The following ZFP64 variants were observed in gnomAD, a reference collection of about 807,000 sequenced individuals.
ZFP64 encodes zinc finger protein 64.
A neutral mutation model predicts 51.6 loss-of-function variants in ZFP64; 14 were observed. The observed-to-expected ratio is 0.27, with a 90% confidence interval of 0.18 to 0.42. ZFP64 has a LOEUF of 0.42. Among genes scored for constraint, ZFP64 ranks in the 10% least tolerant of loss-of-function variants. The pLI is 1.00. For synonymous variants in ZFP64, 375 were observed against 361.4 expected, an observed-to-expected ratio of 1.04 and a Z score of -0.43; for missense variants, 754 against 906.8, an observed-to-expected ratio of 0.83 and a Z score of 2.16.
intron 3 of ZFP64, 172 bp downstream of exon 3, chr20:52,165,692 A>G (rs779234577): frequency 4.1e-5 from 35 of 861,288 alleles, no homozygotes; most frequent in African/African-American, 6.8e-5. Flanking sequence ...ATGACCACAG[A>G]CAGTGGGAGA....
At chr20:52,132,288 A>G (rs1244197989) in intron 5 of ZFP64, among the ~76,000 whole-genome samples, 1 of 152,176 alleles carries the variant, frequency 6.6e-6, no homozygotes, top group Non-Finnish European at 1.5e-5. Context: ...CAAATAAACA[A>G]TCTAATGATG....
intron 5 of ZFP64, among the ~76,000 whole-genome samples, chr20:52,113,592 C>CTTTTTTTTTT (rs61331317): frequency 7.9e-6 from 1 of 126,950 alleles, no homozygotes; most frequent in Non-Finnish European, 1.6e-5. Context: ...CCATACCTGG[C>CTTTTTTTTTT]TTTTTTTTTT....
rs747180859 is a variant in ZFP64, at chr20:52,140,905, T to C, written c.763+19218A>G. ...CTGACTTTCTTGTTAGGGGCTAATG[T>C]AGCTGGTAACTTGAAGTTGAAGCCA... On this transcript the variant is annotated intron_variant, in intron 5 of 8. Coordinates refer to the ZFP64 transcript ENST00000361387. 4.6e-5 allele frequency among the ~76,000 whole-genome samples: 7 copies of C among 152,214 alleles called. No individual in the cohort carries two copies. In the South Asian group the frequency reaches 6.2e-4, roughly 14 times the overall value.
rs142925058 is a variant in ZFP64, at chr20:52,108,359, G to A, written c.764-9772C>T. On this transcript the variant is annotated intron_variant, in intron 5 of 8. Transcript: ENST00000361387. The stretch of plus-strand genomic sequence containing the variant: ...GTCTTTTCTTGCATTTTCCATGTAG[G>A]TATAATAGTAGCCAAAAACAAAGTG... Among the ~76,000 whole-genome samples the A allele has an allele frequency of 4.2e-3, 633 of 152,106 alleles. 5 individuals carry two copies. The highest frequency in any genetic ancestry group is 0.015 in the African/African-American group (608 of 41,490).
rs11469696 is a variant in ZFP64, at chr20:52,161,450, C to CTTTTTTT, written c.512-1083_512-1077dup. ...CCCAGGACCGTCTTGTGATTGCTTTCTTTTTTTTTTTTTTTTTTTTTGCCA... is the reference window on the plus strand; with the variant it reads ...CCCAGGACCGTCTTGTGATTGCTTTCTTTTTTTTTTTTTTTTTTTTTTTTTTTTGCCA... On this transcript the variant is annotated intron_variant, in intron 4 of 5. Transcript: ENST00000216923. 5.0e-4 allele frequency among the ~76,000 whole-genome samples: 57 copies of CTTTTTTT among 115,136 alleles called. 1 individual carries two copies. Among genetic ancestry groups the CTTTTTTT allele is most frequent in the African/African-American group, 1.8e-3 (53 of 30,052 alleles). The allele number at this position is 115,136 out of a possible 152,430, so 75.5% of individuals were successfully genotyped here.
downstream of ZFP64, among the ~76,000 whole-genome samples, chr20:52,149,398 A>T (rs1447547550): frequency 6.6e-6 from 1 of 152,198 alleles, no homozygotes; most frequent in Admixed American, 6.5e-5. Context: ...GCATGTCTCT[A>T]ACACTTATTT....
chr20:52,178,226 T>C (rs1983375423), intron 2 of ZFP64, among the ~76,000 whole-genome samples: 1 of 151,990 alleles, frequency 6.6e-6, no homozygotes, highest in Admixed American at 6.6e-5. Flanking sequence ...ACAAGCAAGT[T>C]TGAGAAACAT....
chr20:52,132,910 A>C (rs971916932), intron 5 of ZFP64, among the ~76,000 whole-genome samples: 1 of 152,072 alleles, frequency 6.6e-6, no homozygotes, highest in Non-Finnish European at 1.5e-5. Flanking sequence ...ATCAAAAAAA[A>C]GAAAACTACA....
chr20:52,107,110 A>G (rs1340833529), intron 5 of ZFP64, among the ~76,000 whole-genome samples: 2 of 77,830 alleles, frequency 2.6e-5, no homozygotes, highest in Admixed American at 1.5e-4. Context: ...ATATATATGT[A>G]TATATACACA....
At chr20:52,098,088 G>C (rs2079010376) in intron 6 of ZFP64, among the ~76,000 whole-genome samples, 1 of 149,304 alleles carries the variant, frequency 6.7e-6, no homozygotes, top group Non-Finnish European at 1.5e-5. Flanking sequence ...CAGGAGAATT[G>C]CTAGAACCTG....
At chr20:52,110,714 C>T in intron 5 of ZFP64, 1 of 1,586,018 alleles carries the variant, frequency 6.3e-7, no homozygotes, top group East Asian at 2.2e-5. Context: ...CGCTGGATGG[C>T]TCCAACCTTA....
chr20:52,112,742 G>C (rs531019079), intron 5 of ZFP64, among the ~76,000 whole-genome samples: 24 of 151,892 alleles, frequency 1.6e-4, no homozygotes, highest in Non-Finnish European at 2.5e-4. Flanking sequence ...AGCCTCCCGA[G>C]TGGCTGGGAC....
At chr20:52,142,839 C>CAAAAAAAAAA (rs386393987) in intron 5 of ZFP64, among the ~76,000 whole-genome samples, 4 of 55,056 alleles carry the variant, frequency 7.3e-5, no homozygotes, top group African/African-American at 1.1e-4. Context: ...GACTCCATCT[C>CAAAAAAAAAA]AAAAAAAAAA....
At chr20:52,120,428 G>A (rs1979122518) in intron 5 of ZFP64, among the ~76,000 whole-genome samples, 1 of 152,150 alleles carries the variant, frequency 6.6e-6, no homozygotes, top group Non-Finnish European at 1.5e-5. Context: ...GATGGAAAGA[G>A]GGCATCGATA....
At position 52,164,675 on chromosome 20, in the gene ZFP64, G is replaced by T; in HGVS notation, c.511+20C>A. On this transcript the variant is annotated intron_variant, in intron 4 of 5. Transcript: ENST00000216923. ...CAGAGCAGGTGTTGAGGGCATATGC[G>T]CTAAAGAAATGCTACTTACCCGTGT... 2 of 1,610,584 alleles carry T rather than the reference G, an allele frequency of 1.2e-6. No homozygotes were observed. Among genetic ancestry groups the T allele is most frequent in the Non-Finnish European group, 1.7e-6 (2 of 1,177,656 alleles).
At chr20:52,098,960 C>T (rs1223251352) in intron 5 of ZFP64, among the ~76,000 whole-genome samples, 1 of 148,946 alleles carries the variant, frequency 6.7e-6, no homozygotes, top group Non-Finnish European at 1.5e-5. Context: ...CGAGATCATG[C>T]CACTGCACTC....
chr20:52,149,752 CATGTGTATGTATGTATGT>C (rs1980697923), downstream of ZFP64, among the ~76,000 whole-genome samples: 1 of 151,956 alleles, frequency 6.6e-6, no homozygotes, highest in Admixed American at 6.6e-5. Flanking sequence ...TCTATGCATG[CATGTGTATGTATGTATGT>C]ATGTGTATGT....
intron 5 of ZFP64, chr20:52,105,538 A>G (rs1978307996): frequency 3.1e-6 from 1 of 319,130 alleles, no homozygotes; most frequent in East Asian, 5.1e-5. Context: ...GCATTTTAAC[A>G]AGATCCCCAG....
chr20:52,084,864 T>C (rs1158280242), exon 9 of ZFP64: 2 of 1,613,914 alleles, frequency 1.2e-6, no homozygotes, highest in Non-Finnish European at 1.7e-6. Flanking sequence ...CCTGTGCACC[T>C]TGTCGACGTG....
Sources: gnomAD v4.1 joint callset for allele counts (sites outside exome capture counted in the v4.1 genomes callset) on GRCh38, gnomAD v4.1.1 for gene constraint, MANE v1.5 for transcripts, NCBI Gene and HGNC (gene_info 2026-07-23, HGNC 2026-07-21) for gene names.